Variants in HTT observed in about 807,000 individuals in gnomAD.
HTT encodes the protein huntingtin.
Under a neutral mutation model 362.3 loss-of-function variants are expected in HTT, and 104 were observed. The ratio of observed to expected loss-of-function variants is 0.29; its 90% CI spans 0.24 to 0.34. HTT has a LOEUF of 0.34. Among genes scored for constraint, HTT ranks in the 10% least tolerant of loss-of-function variants. HTT has a pLI of 1.00. For missense variants in HTT, 3,301 were observed against 3,928.6 expected (o/e 0.84, Z 4.27); for synonymous variants, 1,577 against 1,548.7 (o/e 1.02, Z -0.43).
At chr4:3,093,236 G>A (rs1331373665) in intron 2 of HTT, among the ~76,000 whole-genome samples, 2 of 152,162 alleles carry the variant, frequency 1.3e-5, no homozygotes, top group Non-Finnish European at 2.9e-5. Flanking sequence ...ACAGGGCCAG[G>A]AAGAATTTCT....
intron 1 of HTT, among the ~76,000 whole-genome samples, chr4:3,078,775 C>T (rs1432690373): frequency 6.6e-6 from 1 of 151,176 alleles, no homozygotes; most frequent in Non-Finnish European, 1.5e-5. Context: ...TGCTCTGTCG[C>T]CCAGGCTGGA....
rs757439222 is a variant in HTT, at chr4:3,145,167, G to A, written c.3082G>A (p.Ala1028Thr). 1 of 1,613,736 alleles carries A rather than the reference G, an allele frequency of 6.2e-7. No individual in the cohort carries two copies. The highest frequency in any genetic ancestry group is 1.1e-5 in the South Asian group (1 of 91,080). Residue 1028 changes from alanine (A) to threonine (T), a missense_variant, in exon 24 of 67, where the codon GCT (alanine) becomes ACT (threonine). By Grantham distance (58) the Ala-to-Thr change is moderately conservative (BLOSUM62 0). Around this residue, in one of 4 missense-constraint regions of HTT, gnomAD observed 2,316 missense variants for 2,658.5 expected, o/e 0.87. Transcript: ENST00000355072. Reference protein sequence around the residue: ...TRALTFGCCEALCLLSTAFPV... With the variant: ...TRALTFGCCETLCLLSTAFPV... ...TTCTTCTCAGTTTGGATGCTGTGAA[G>A]CTTTGTGTCTTCTTTCCACTGCCTT...
At chr4:3,094,706 G>C (rs1478273574) in intron 2 of HTT, among the ~76,000 whole-genome samples, 1 of 135,880 alleles carries the variant, frequency 7.4e-6, no homozygotes, top group Non-Finnish European at 1.6e-5. Flanking sequence ...CTGGCCGGGC[G>C]GGGGCTGCCC....
At chr4:3,174,187 A>G (rs1405673508) in intron 31 of HTT, among the ~76,000 whole-genome samples, 1 of 152,172 alleles carries the variant, frequency 6.6e-6, no homozygotes, top group East Asian at 1.9e-4. Context: ...GCTGTATGTT[A>G]GTGATGTACT....
At chr4:3,217,691 TA>T in intron 51 of HTT, 73 bp from the exon 52 acceptor site, 1 of 1,292,778 alleles carries the variant, frequency 7.7e-7, no homozygotes, top group Non-Finnish European at 1.1e-6. Flanking sequence ...CAGCTGGTTG[TA>T]GGTCATGCTT....
intron 2 of HTT, among the ~76,000 whole-genome samples, chr4:3,095,072 A>G (rs1172802068): frequency 6.6e-6 from 1 of 150,568 alleles, no homozygotes; most frequent in East Asian, 2.0e-4. Context: ...GGCTCCTCAC[A>G]TCCCAGACGA....
At chr4:3,102,040 A>G (rs1714184943) in intron 3 of HTT, among the ~76,000 whole-genome samples, 1 of 152,182 alleles carries the variant, frequency 6.6e-6, no homozygotes. Context: ...TGTTTGGTAG[A>G]GAATTAGGGG....
At chr4:3,139,241 A>G (rs1477804035) in intron 21 of HTT, among the ~76,000 whole-genome samples, 1 of 152,232 alleles carries the variant, frequency 6.6e-6, no homozygotes, top group Admixed American at 6.5e-5. Context: ...TCTGTCACTC[A>G]GGCAGGAATG....
At chr4:3,200,717 C>T (rs370749991) in intron 41 of HTT, among the ~76,000 whole-genome samples, 8 of 152,232 alleles carry the variant, frequency 5.3e-5, no homozygotes, top group African/African-American at 1.9e-4. Flanking sequence ...GGAAAGTCCA[C>T]TGTTGGGAGG....
intron 49 of HTT, 172 bp downstream of exon 49, chr4:3,212,881 C>T: frequency 1.5e-6 from 1 of 686,194 alleles, no homozygotes; most frequent in South Asian, 1.9e-5. Flanking sequence ...AGCCATCCTT[C>T]ACCCTCACCT....
intron 1 of HTT, among the ~76,000 whole-genome samples, chr4:3,075,456 C>T (rs1712472878): frequency 6.6e-6 from 1 of 152,132 alleles, no homozygotes; most frequent in Admixed American, 6.5e-5. Context: ...GGCGGGGGTT[C>T]TTTTAACTGC....
chr4:3,111,394 A>G (rs1191356812), intron 6 of HTT, among the ~76,000 whole-genome samples: 3 of 151,970 alleles, frequency 2.0e-5, no homozygotes, highest in Admixed American at 2.0e-4. Context: ...GAGTTTCACC[A>G]TGTTGGCCAG....
At position 3,206,848 on chromosome 4, in the gene HTT, C is replaced by G. The variant is rs200125263; in HGVS notation, c.5940C>G (p.Ile1980Met). Residue 1980 changes from isoleucine (I) to methionine (M), a missense_variant, in exon 44 of 67, where the codon ATC becomes ATG. Physicochemically the swap from Ile to Met is conservative, Grantham distance 10. Around this residue, in one of 4 missense-constraint regions of HTT, gnomAD observed 2,316 missense variants for 2,658.5 expected, o/e 0.87. Coordinates refer to ENST00000355072, the MANE Select transcript of HTT (RefSeq NM_001388492.1). The surrounding 1 kb of genome is among the most constrained non-coding windows in gnomAD (Gnocchi z 4.6). ...LKKTLQCLEGIHLSQSGAVLT... is the reference protein window; with the variant it reads ...LKKTLQCLEGMHLSQSGAVLT... ...AAACTCTTCAGTGCTTGGAGGGGAT[C>G]CATCTCAGCCAGTCGGGAGCTGTGC... 74 of 1,611,478 alleles carry G rather than the reference C, an allele frequency of 4.6e-5. No individual in the cohort carries two copies. In the African/African-American group the frequency reaches 9.1e-4, roughly 20 times the overall value.
At chr4:3,190,400 A>T (rs1232821571) in intron 40 of HTT, among the ~76,000 whole-genome samples, 1 of 151,604 alleles carries the variant, frequency 6.6e-6, no homozygotes, top group East Asian at 1.9e-4. Flanking sequence ...CTCCTGTGTT[A>T]AATTTGGAGG....
intron 4 of HTT, 104 bp downstream of exon 4, chr4:3,103,987 A>G (rs949221506): frequency 1.6e-5 from 11 of 694,790 alleles, no homozygotes; most frequent in Non-Finnish European, 2.5e-5. Context: ...GGGGTACATG[A>G]GATATTTTGA....
intron 40 of HTT, among the ~76,000 whole-genome samples, chr4:3,194,395 A>C (rs1719153174): frequency 6.6e-6 from 1 of 152,250 alleles, no homozygotes; most frequent in Admixed American, 6.5e-5. Flanking sequence ...GGTAACCAGC[A>C]TCCCTCTCTT....
chr4:3,218,360 C>T lies in HTT; in HGVS notation c.7242+408C>T, dbSNP rs113784167. Among the ~76,000 whole-genome samples, 455 of 152,286 alleles carry T rather than the reference C, an allele frequency of 3.0e-3. 3 individuals are homozygous for T. The highest frequency in any genetic ancestry group is 0.011 in the African/African-American group (442 of 41,548). ...TTAAAGTAGGTGTTATTGCCAGGCG[C>T]AGTAGCTCATGCCTGTAATCCCAGC... On this transcript the variant is annotated intron_variant, in intron 52 of 66. Coordinates refer to ENST00000355072, the MANE Select transcript of HTT (RefSeq NM_001388492.1). This position sits in a 1 kb window ranked among gnomAD's most constrained non-coding sequence, Gnocchi z 4.4.
chr4:3,225,040 G>A (rs1189193450), intron 56 of HTT, among the ~76,000 whole-genome samples: 3 of 152,174 alleles, frequency 2.0e-5, no homozygotes, highest in African/African-American at 4.8e-5. Context: ...TTTGGAGGAG[G>A]CAAGTTGATC....
At position 3,157,046 on chromosome 4, in the gene HTT, T is replaced by C. The variant is rs375057287; in HGVS notation, c.3626-26T>C. The C allele has an allele frequency of 5.5e-5, 86 of 1,564,328 alleles. 1 individual carries two copies. Among genetic ancestry groups the C allele is most frequent in the East Asian group, 2.3e-5 (1 of 44,226 alleles). The stretch of plus-strand genomic sequence containing the variant: ...GGCAAGTTATTTTGATCTAAAAGTT[T>C]ATCTTTTGTGTGCATATTTTTAAAG... On this transcript the variant is annotated intron_variant, in intron 27 of 66. Transcript: ENST00000355072.
Sources: gnomAD v4.1 joint callset for allele counts (sites outside exome capture counted in the v4.1 genomes callset) on GRCh38, gnomAD v4.1.1 for gene constraint, gnomAD v4.1.1 regional missense constraint, Gnocchi (gnomAD v3.1) non-coding constraint, MANE v1.5 for transcripts, NCBI Gene and HGNC (gene_info 2026-07-23, HGNC 2026-07-21) for gene names.